MOV10L1: variants seen among roughly 807,000 people sequenced by gnomAD.
The protein encoded by MOV10L1 is Mov10 like RNA helicase 1, also known as RNA helicase Mov10l1.
MOV10L1 carries 110 observed loss-of-function variants against 143.8 expected under a neutral mutation model. The ratio of observed to expected loss-of-function variants is 0.76; its 90% CI spans 0.66 to 0.90. The LOEUF (loss-of-function observed/expected upper bound fraction) is 0.90, where lower values mean the gene tolerates loss of function less well. Ranked by LOEUF, MOV10L1 falls within the 40% of genes least tolerant of loss-of-function variation. The pLI, the probability that MOV10L1 is intolerant of heterozygous loss-of-function variation, is 0.00. For missense variants in MOV10L1, 1,406 were observed against 1,526.8 expected, an observed-to-expected ratio of 0.92 and a Z score of 1.32; for synonymous variants, 593 against 581.1, an observed-to-expected ratio of 1.02 and a Z score of -0.29.
At chr22:50,139,868 G>A (rs1297413846) in intron 15 of MOV10L1, among the ~76,000 whole-genome samples, 1 of 152,216 alleles carries the variant, frequency 6.6e-6, no homozygotes, top group East Asian at 1.9e-4. Flanking sequence ...CTGCGCGTTG[G>A]TGAGCCCGTG....
At chr22:50,118,692 C>A (rs1226032737) in intron 9 of MOV10L1, among the ~76,000 whole-genome samples, 1 of 152,164 alleles carries the variant, frequency 6.6e-6, no homozygotes, top group East Asian at 1.9e-4. Flanking sequence ...CATAGTTACC[C>A]CTTCATGCTA....
chr22:50,147,104 C>T, intron 19 of MOV10L1: 1 of 1,574,472 alleles, frequency 6.4e-7, no homozygotes, highest in Non-Finnish European at 8.6e-7. Context: ...TCTTTGGGGG[C>T]AGAGCGGGCA....
chr22:50,134,743 G>A, intron 15 of MOV10L1, 113 bp downstream of exon 15: 2 of 873,446 alleles, frequency 2.3e-6, no homozygotes, highest in South Asian at 1.6e-5. Context: ...GGATGGCTCA[G>A]CGATGTAACT....
intron 19 of MOV10L1, among the ~76,000 whole-genome samples, chr22:50,147,945 G>A (rs994041413): frequency 4.6e-5 from 7 of 152,264 alleles, no homozygotes; most frequent in Admixed American, 1.3e-4. Context: ...CTGACCGTGA[G>A]TGGATGCAGG....
At chr22:50,096,528 G>A (rs1418510860) in intron 2 of MOV10L1, 2 of 152,230 alleles carry the variant, frequency 1.3e-5, no homozygotes, top group Non-Finnish European at 2.9e-5. Flanking sequence ...GGTAAGTCTA[G>A]GTTTAACTTT....
At chr22:50,146,561 A>G (rs1363307553) in intron 19 of MOV10L1, among the ~76,000 whole-genome samples, 2 of 152,170 alleles carry the variant, frequency 1.3e-5, no homozygotes, top group South Asian at 4.2e-4. Flanking sequence ...GAGAGGGAGA[A>G]GCCAGGGCCT....
intron 5 of MOV10L1, 98 bp downstream of exon 5, chr22:50,108,942 C>A: frequency 8.5e-7 from 1 of 1,173,778 alleles, no homozygotes; most frequent in Non-Finnish European, 1.2e-6. Flanking sequence ...GTTGGGAGTT[C>A]AAGACCAGCC....
chr22:50,161,156 C>A, intron 26 of MOV10L1, 101 bp downstream of exon 26: 1 of 1,270,410 alleles, frequency 7.9e-7, no homozygotes, highest in Non-Finnish European at 1.1e-6. Context: ...TACCCACCTG[C>A]AGCCTTAGCC....
chr22:50,146,347 C>T (rs1041782865), intron 19 of MOV10L1, among the ~76,000 whole-genome samples: 8 of 151,830 alleles, frequency 5.3e-5, no homozygotes, highest in Non-Finnish European at 1.2e-4. Flanking sequence ...GGGAGACAGG[C>T]GGAGGAGATG....
intron 5 of MOV10L1, 35 bp downstream of exon 5, chr22:50,108,879 T>C (rs2061945584): frequency 6.2e-7 from 1 of 1,601,060 alleles, no homozygotes; most frequent in Non-Finnish European, 8.5e-7. Flanking sequence ...GTGCGGTGGC[T>C]AACGCCTGTA....
chr22:50,098,269 T>TAATTATTAAGATTAA (rs1602121206), intron 2 of MOV10L1, among the ~76,000 whole-genome samples: 25 of 83,830 alleles, frequency 3.0e-4, no homozygotes, highest in Non-Finnish European at 4.2e-4. Context: ...ATCTTAATAA[T>TAATTATTAAGATTAA]CACATAATCA....
chr22:50,133,041 A>AAAAAC (rs59893596), intron 13 of MOV10L1, among the ~76,000 whole-genome samples: 33,630 of 151,116 alleles, frequency 0.22, 4,098 homozygotes, highest in Admixed American at 0.35. Context: ...TCTGAAAAAA[A>AAAAAC]AAAAACCAAA....
At chr22:50,110,694 GC>G (rs769745213) in intron 5 of MOV10L1, among the ~76,000 whole-genome samples, 1 of 152,102 alleles carries the variant, frequency 6.6e-6, no homozygotes, top group Non-Finnish European at 1.5e-5. Flanking sequence ...ACTTTGGGAG[GC>G]CAAGGCGGGC....
intron 14 of MOV10L1, 114 bp downstream of exon 14, chr22:50,134,179 T>C: frequency 2.5e-6 from 2 of 786,614 alleles, no homozygotes; most frequent in Non-Finnish European, 3.8e-6. Context: ...GTAAAACTTT[T>C]GTTATATTCA....
At chr22:50,129,836 C>A (rs2062621113) in intron 13 of MOV10L1, among the ~76,000 whole-genome samples, 1 of 152,186 alleles carries the variant, frequency 6.6e-6, no homozygotes, top group Non-Finnish European at 1.5e-5. Context: ...TGTTCCTCTT[C>A]CATGAAATGC....
intron 10 of MOV10L1, among the ~76,000 whole-genome samples, chr22:50,124,776 A>G (rs1436942899): frequency 6.6e-6 from 1 of 152,030 alleles, no homozygotes; most frequent in Non-Finnish European, 1.5e-5. Context: ...GCTCAGCCCC[A>G]CAGATCAGAG....
intron 19 of MOV10L1, among the ~76,000 whole-genome samples, chr22:50,146,342 A>C (rs1023757226): frequency 6.6e-6 from 1 of 151,906 alleles, no homozygotes; most frequent in Non-Finnish European, 1.5e-5. Context: ...TTCAGGGGAG[A>C]CAGGCGGAGG....
At chr22:50,121,409 C>G (rs138232) in intron 10 of MOV10L1, among the ~76,000 whole-genome samples, 73,633 of 152,102 alleles carry the variant, frequency 0.48, 18,846 homozygotes, top group Admixed American at 0.6. Context: ...CCCAGTGGCT[C>G]TCGTCTGACC....
At chr22:50,126,714 A>T (rs1389534140) in intron 12 of MOV10L1, among the ~76,000 whole-genome samples, 1 of 152,136 alleles carries the variant, frequency 6.6e-6, no homozygotes, top group Admixed American at 6.5e-5. Flanking sequence ...CTGGTCATGT[A>T]CTGGTCATAG....
Sources: allele counts gnomAD v4.1 joint callset (sites outside exome capture counted in the v4.1 genomes callset), GRCh38; gene constraint gnomAD v4.1.1; transcripts MANE v1.5; gene names NCBI Gene and HGNC (gene_info 2026-07-23, HGNC 2026-07-21).